Variants in MYOM2 observed in about 807,000 individuals in gnomAD.
MYOM2 encodes the protein myomesin-2.
Under a neutral mutation model 187.6 loss-of-function variants are expected in MYOM2, and 254 were observed. That is an observed-to-expected ratio of 1.35 (90% CI 1.22 to 1.50). The LOEUF (loss-of-function observed/expected upper bound fraction) is 1.50, where lower values mean the gene tolerates loss of function less well. MYOM2 is among the 40% of genes most tolerant of loss of function. The pLI is 0.00. For missense variants in MYOM2, 2,796 were observed against 1,924.0 expected (o/e 1.45, Z -8.48); for synonymous variants, 981 against 753.8 (o/e 1.30, Z -4.94).
chr8:2,076,418 T>A, intron 11 of MYOM2, 136 bp downstream of exon 11: 1 of 1,149,226 alleles, frequency 8.7e-7, no homozygotes. Flanking sequence ...GGCTAATTGG[T>A]TGTATAAGTT....
chr8:2,130,981 T>G (rs1395724861), intron 32 of MYOM2, among the ~76,000 whole-genome samples: 1 of 152,220 alleles, frequency 6.6e-6, no homozygotes, highest in African/African-American at 2.4e-5. Flanking sequence ...TTGTACACAC[T>G]TGCAATGTGT....
chr8:2,058,133 C>T (rs1477423167), intron 5 of MYOM2, among the ~76,000 whole-genome samples: 1 of 150,114 alleles, frequency 6.7e-6, no homozygotes, highest in Non-Finnish European at 1.5e-5. Flanking sequence ...ATTCTCCTGC[C>T]TCAGCCTCCT....
intron 10 of MYOM2, among the ~76,000 whole-genome samples, chr8:2,073,988 T>C (rs1819327437): frequency 6.6e-6 from 1 of 152,132 alleles, no homozygotes; most frequent in South Asian, 2.1e-4. Context: ...TCAGTGAAAC[T>C]CGTGCTTAAG....
In MYOM2 at chr8:2,090,036, G is replaced by A; in HGVS notation, c.1673G>A (p.Arg558Lys). Residue 558 changes from arginine (R) to lysine (K), a missense_variant, in exon 15 of 37, where the codon AGA becomes AAA. Physicochemically the swap from Arg to Lys is conservative, Grantham distance 26. Coordinates refer to ENST00000262113, the MANE Select transcript of MYOM2 (RefSeq NM_003970.4). Reference sequence around the variant, plus strand: ...GTGGTGGGGAGCGGCAGCTGGCAGAGAGTCAACGCCCAGACGGCTGTGAGA... The same window carrying A: ...GTGGTGGGGAGCGGCAGCTGGCAGAAAGTCAACGCCCAGACGGCTGTGAGA... Reference protein sequence around the residue: ...KSVVGSGSWQRVNAQTAVRSP... With the variant: ...KSVVGSGSWQKVNAQTAVRSP... The A allele has an allele frequency of 6.2e-7, 1 of 1,614,012 alleles. No homozygotes were observed. Among genetic ancestry groups the A allele is most frequent in the Non-Finnish European group, 8.5e-7 (1 of 1,179,960 alleles).
In MYOM2 at chr8:2,143,451, G is replaced by A. The variant is rs770342817; in HGVS notation, c.4075G>A (p.Gly1359Arg). ...GLPDVVTIME[G>R]KTLNLTCTVF... ...GCCTGACGTGGTGACCATCATGGAA[G>A]GGAAGGTGAGGATTCTAAACTCGGC... The change falls in exon 36 of 37, where the codon GGG (glycine) becomes AGG (arginine). Residue 1359 changes from glycine to arginine, a missense_variant. Coordinates refer to ENST00000262113, the MANE Select transcript of MYOM2 (RefSeq NM_003970.4). 3.7e-6 allele frequency: 6 copies of A among 1,614,138 alleles called. No individual in the cohort carries two copies. Among genetic ancestry groups the A allele is most frequent in the Non-Finnish European group, 5.1e-6 (6 of 1,180,026 alleles).
chr8:2,141,201 T>A, intron 34 of MYOM2, 24 bp downstream of exon 34: 1 of 1,608,214 alleles, frequency 6.2e-7, no homozygotes, highest in Non-Finnish European at 8.5e-7. Flanking sequence ...ATTTAGTTAC[T>A]ATGATATCCT....
At chr8:2,084,077 T>G (rs927115289) in intron 13 of MYOM2, among the ~76,000 whole-genome samples, 4 of 152,254 alleles carry the variant, frequency 2.6e-5, no homozygotes, top group African/African-American at 9.6e-5. Flanking sequence ...GGATTCAGTT[T>G]TGGAATTTCG....
chr8:2,048,908 G>A (rs1254451521), intron 1 of MYOM2, among the ~76,000 whole-genome samples: 1 of 151,800 alleles, frequency 6.6e-6, no homozygotes, highest in Admixed American at 6.6e-5. Context: ...TCCTGCCTCA[G>A]CCTCCCGAGT....
intron 6 of MYOM2, among the ~76,000 whole-genome samples, chr8:2,059,977 T>A (rs182764994): frequency 2.6e-5 from 4 of 152,210 alleles, no homozygotes; most frequent in Middle Eastern, 6.8e-3. Flanking sequence ...CCCGACCTCA[T>A]GTGATCCACC....
intron 17 of MYOM2, among the ~76,000 whole-genome samples, chr8:2,095,242 A>G (rs1210552837): frequency 6.6e-6 from 1 of 152,012 alleles, no homozygotes; most frequent in African/African-American, 2.4e-5. Context: ...GGGACTTTCA[A>G]ACATTCCCAT....
chr8:2,108,744 G>C (rs377641651), intron 23 of MYOM2, 42 bp from the exon 24 acceptor site: 12 of 1,607,256 alleles, frequency 7.5e-6, no homozygotes, highest in Non-Finnish European at 1.0e-5. Flanking sequence ...ACTTCTCTAG[G>C]TGCAGGTCCA....
intron 19 of MYOM2, 34 bp from the exon 20 acceptor site, chr8:2,100,842 G>A: frequency 6.2e-7 from 1 of 1,611,980 alleles, no homozygotes; most frequent in Non-Finnish European, 8.5e-7. Flanking sequence ...GACTGGCTAT[G>A]CGCGCAGAAA....
At chr8:2,058,118 A>G (rs953789964) in intron 5 of MYOM2, among the ~76,000 whole-genome samples, 8 of 142,684 alleles carry the variant, frequency 5.6e-5, no homozygotes, top group African/African-American at 2.1e-4. Flanking sequence ...TCCCTGGTTT[A>G]AGTGATTCTC....
At chr8:2,136,327 G>A (rs1798069351) in intron 32 of MYOM2, among the ~76,000 whole-genome samples, 1 of 151,172 alleles carries the variant, frequency 6.6e-6, no homozygotes, top group African/African-American at 2.5e-5. Flanking sequence ...CCTGATCCCA[G>A]GGTGGCAGCG....
At chr8:2,137,525 T>A (rs1185579253) in intron 32 of MYOM2, among the ~76,000 whole-genome samples, 1 of 152,066 alleles carries the variant, frequency 6.6e-6, no homozygotes, top group East Asian at 1.9e-4. Context: ...GGTCTGTGTG[T>A]GTGCAGGAAG....
chr8:2,109,544 G>T lies in MYOM2; in HGVS notation c.3180+13G>T. 1 of 1,602,164 alleles carries T rather than the reference G, an allele frequency of 6.2e-7. No homozygotes were observed. Among genetic ancestry groups the T allele is most frequent in the Non-Finnish European group, 8.5e-7 (1 of 1,175,308 alleles). Reference sequence around the variant, plus strand: ...CTCTGACAGCGAGGTGAGTTCCTGTGTGAGTGATCTCTGGCTTTGCAGGGA... The same window carrying T: ...CTCTGACAGCGAGGTGAGTTCCTGTTTGAGTGATCTCTGGCTTTGCAGGGA... On this transcript the variant is annotated intron_variant, in intron 25 of 36. Transcript: ENST00000262113.
At chr8:2,129,611 G>C (rs1797781630) in intron 32 of MYOM2, among the ~76,000 whole-genome samples, 1 of 150,508 alleles carries the variant, frequency 6.6e-6, no homozygotes, top group Non-Finnish European at 1.5e-5. Context: ...CGCTAGACTT[G>C]ATTAAAAGTA....
intron 20 of MYOM2, among the ~76,000 whole-genome samples, 162 bp downstream of exon 20, chr8:2,101,216 C>T (rs758548032): frequency 5.9e-5 from 9 of 152,164 alleles, no homozygotes; most frequent in African/African-American, 9.6e-5. Flanking sequence ...GGCATGGCAC[C>T]GTGGCAGGCA....
chr8:2,077,075 G>T (rs1819450846), intron 11 of MYOM2, among the ~76,000 whole-genome samples: 1 of 152,220 alleles, frequency 6.6e-6, no homozygotes, highest in Non-Finnish European at 1.5e-5. Flanking sequence ...ACTTTGGGAG[G>T]CCAACGCGGG....
Sources: allele counts gnomAD v4.1 joint callset (sites outside exome capture counted in the v4.1 genomes callset), GRCh38; gene constraint gnomAD v4.1.1; transcripts MANE v1.5; gene names NCBI Gene and HGNC (gene_info 2026-07-23, HGNC 2026-07-21).